The following PNOC variants were observed in gnomAD, a reference collection of about 807,000 sequenced individuals.
The protein encoded by PNOC is prepronociceptin.
A neutral mutation model predicts 15.6 loss-of-function variants in PNOC; 10 were observed. The observed-to-expected ratio is 0.64, with a 90% CI of 0.40 to 1.09. PNOC has a LOEUF of 1.09. Ranked by LOEUF, PNOC falls within the 50% of genes least tolerant of loss-of-function variation. The probability of loss-of-function intolerance (pLI) is 0.01; values close to 1 mark genes in which losing one functional copy is unlikely to be tolerated. For missense variants in PNOC, 220 were observed against 223.9 expected (o/e 0.98, Z 0.11); for synonymous variants, 98 against 88.5 (o/e 1.11, Z -0.60).
At chr8:28,333,122 C>T (rs1048176079) in intron 2 of PNOC, among the ~76,000 whole-genome samples, 1 of 152,166 alleles carries the variant, frequency 6.6e-6, no homozygotes, top group Non-Finnish European at 1.5e-5. Flanking sequence ...TCTAGCAGGA[C>T]CTCACAAAGC....
intron 3 of PNOC, among the ~76,000 whole-genome samples, chr8:28,342,354 C>CAAAAA (rs34315819): frequency 1.2e-5 from 1 of 85,132 alleles, no homozygotes; most frequent in African/African-American, 4.3e-5. Flanking sequence ...AACCCCATCT[C>CAAAAA]AAAAAAAAAA....
At chr8:28,333,862 C>T (rs1021289092) in intron 2 of PNOC, among the ~76,000 whole-genome samples, 1 of 152,170 alleles carries the variant, frequency 6.6e-6, no homozygotes, top group African/African-American at 2.4e-5. Flanking sequence ...AGATCCAGCT[C>T]CCCCACTCTA....
Position 28,331,751 on chromosome 8 carries a change from C to T in PNOC, c.126+2468C>T, listed in dbSNP as rs117143632. Reference sequence around the variant, plus strand: ...GAACATTGCACTGATTCTCCACCCACCCCAGTGGAGTGGGCCCTCCTTCCT... The same window carrying T: ...GAACATTGCACTGATTCTCCACCCATCCCAGTGGAGTGGGCCCTCCTTCCT... On this transcript the variant is annotated intron_variant, in intron 2 of 3. Transcript: ENST00000301908. Among the ~76,000 whole-genome samples, 272 of 152,310 alleles carry T rather than the reference C, an allele frequency of 1.8e-3. 2 individuals carry two copies. In the East Asian group the frequency reaches 0.045, roughly 25 times the overall value.
Position 28,339,422 on chromosome 8 carries a change from T to C in PNOC, c.509T>C (p.Leu170Pro), listed in dbSNP as rs938713524. The change falls in exon 3 of 4, where the codon CTG becomes CCG. Residue 170 changes from leucine to proline, a missense_variant. Leu to Pro is a moderately conservative substitution (Grantham distance 98, BLOSUM62 -3). Transcript: ENST00000301908. The stretch of plus-strand genomic sequence containing the variant: ...CAGTCCAGCCAGCGCCGGCGCACCC[T>C]GCACCAGAATGGTAATGTGTAGCCG... ...SMQSSQRRRT[L>P]HQNGNV 1 of 1,542,064 alleles carries C rather than the reference T, an allele frequency of 6.5e-7. No individual in the cohort carries two copies. The highest frequency in any genetic ancestry group is 1.4e-5 in the African/African-American group (1 of 73,116).
chr8:28,332,627 A>G (rs2129882328), intron 2 of PNOC, among the ~76,000 whole-genome samples: 1 of 152,324 alleles, frequency 6.6e-6, no homozygotes, highest in South Asian at 2.1e-4. Flanking sequence ...ACCAATCCCA[A>G]GAAAGAGTGT....
intron 2 of PNOC, among the ~76,000 whole-genome samples, chr8:28,331,816 C>T (rs1801334097): frequency 6.6e-6 from 1 of 152,210 alleles, no homozygotes; most frequent in Admixed American, 6.5e-5. Flanking sequence ...GACTCTCTCT[C>T]CCCATATGGA....
chr8:28,331,248 T>G (rs988030746), intron 2 of PNOC, among the ~76,000 whole-genome samples: 5 of 152,214 alleles, frequency 3.3e-5, no homozygotes, highest in Non-Finnish European at 7.3e-5. Context: ...TTTCCATGAA[T>G]ATAGTCTACA....
chr8:28,339,409 C>G lies in PNOC; in HGVS notation c.496C>G (p.Arg166Gly), dbSNP rs773249082. ...YLVLSMQSSQ[R>G]RRTLHQNGNV ...GGTCCTGAGCATGCAGTCCAGCCAG[C>G]GCCGGCGCACCCTGCACCAGAATGG... Residue 166 changes from arginine (R) to glycine (G), a missense_variant, in exon 3 of 4, where the codon CGC (arginine) becomes GGC (glycine). Coordinates refer to ENST00000301908, the MANE Select transcript of PNOC (RefSeq NM_006228.5). 6.5e-7 allele frequency: 1 copy of G among 1,549,952 alleles called. No individual in the cohort carries two copies. Among genetic ancestry groups the G allele is most frequent in the Non-Finnish European group, 8.8e-7 (1 of 1,142,376 alleles).
At chr8:28,317,871 T>G (rs1801084346) in intron 1 of PNOC, among the ~76,000 whole-genome samples, 1 of 152,144 alleles carries the variant, frequency 6.6e-6, no homozygotes, top group Non-Finnish European at 1.5e-5. Flanking sequence ...CAGCAGAAAT[T>G]GCTACAAATA....
intron 1 of PNOC, among the ~76,000 whole-genome samples, chr8:28,326,000 C>T (rs1040085776): frequency 6.6e-6 from 1 of 152,034 alleles, no homozygotes; most frequent in Non-Finnish European, 1.5e-5. Flanking sequence ...AATGCATTTG[C>T]GATACAGTCA....
chr8:28,325,928 C>A (rs1325625932), intron 1 of PNOC, among the ~76,000 whole-genome samples: 2 of 152,126 alleles, frequency 1.3e-5, no homozygotes, highest in African/African-American at 4.8e-5. Flanking sequence ...ATTACAATAA[C>A]CAAGGCAATA....
chr8:28,333,503 C>T (rs1012406812), intron 2 of PNOC, among the ~76,000 whole-genome samples: 5 of 152,220 alleles, frequency 3.3e-5, no homozygotes, highest in Middle Eastern at 3.2e-3. Context: ...CTCCTATGCC[C>T]ATCTGGTGCT....
At chr8:28,332,723 G>T (rs907323163) in intron 2 of PNOC, among the ~76,000 whole-genome samples, 7 of 152,220 alleles carry the variant, frequency 4.6e-5, no homozygotes, top group Non-Finnish European at 1.0e-4. Context: ...GGCTGAGGCA[G>T]GTGGATCACT....
In PNOC at chr8:28,320,072, G is replaced by GTTTC. The variant is rs1368496373; in HGVS notation, c.-24+2776_-24+2779dup. Among the ~76,000 whole-genome samples the GTTTC allele has an allele frequency of 1.2e-3, 47 of 38,978 alleles. 1 individual carries two copies. Among genetic ancestry groups the GTTTC allele is most frequent in the East Asian group, 6.5e-3 (8 of 1,238 alleles). 25.6% of individuals were successfully genotyped at this position (38,978 alleles called of 152,430 possible). ...CGATCCTGTGGGGTTTTTTTTGTTT[G>GTTTC]TTTCTTTCTTTCTTTCTTTCTTTTT... On this transcript the variant is annotated intron_variant, in intron 1 of 3. Transcript: ENST00000301908.
At chr8:28,320,092 CTTTTTTTTTTTTTT>C (rs34876964) in intron 1 of PNOC, among the ~76,000 whole-genome samples, 46 of 29,726 alleles carry the variant, frequency 1.5e-3, no homozygotes, top group Middle Eastern at 0.042. Context: ...TTCTTTCTTT[CTTTTTTTTTTTTTT>C]TTTTTTTTTT....
At chr8:28,325,864 A>T (rs1435978672) in intron 1 of PNOC, among the ~76,000 whole-genome samples, 1 of 152,042 alleles carries the variant, frequency 6.6e-6, no homozygotes, top group Non-Finnish European at 1.5e-5. Flanking sequence ...ACATCATCAG[A>T]TTGGAGATGG....
upstream of PNOC, chr8:28,317,075 A>G (rs1298889167): frequency 1.3e-5 from 2 of 152,226 alleles, no homozygotes; most frequent in Non-Finnish European, 2.9e-5. Flanking sequence ...TTGAGAATGG[A>G]TTGATGGGGA....
At chr8:28,338,254 G>A (rs1034384651) in intron 2 of PNOC, among the ~76,000 whole-genome samples, 1 of 152,120 alleles carries the variant, frequency 6.6e-6, no homozygotes, top group African/African-American at 2.4e-5. Flanking sequence ...GAGGTGGGGG[G>A]CCAAGGTCAG....
intron 1 of PNOC, among the ~76,000 whole-genome samples, chr8:28,324,368 G>C (rs1036367517): frequency 1.3e-5 from 2 of 152,180 alleles, no homozygotes; most frequent in African/African-American, 4.8e-5. Context: ...GCTAACATCT[G>C]TCACAGTTTG....
Sources: allele counts gnomAD v4.1 joint callset (sites outside exome capture counted in the v4.1 genomes callset), GRCh38; gene constraint gnomAD v4.1.1; transcripts MANE v1.5; gene names NCBI Gene and HGNC (gene_info 2026-07-23, HGNC 2026-07-21).